The following SRCIN1 variants were observed in gnomAD, a reference collection of about 807,000 sequenced individuals.
SRCIN1 encodes the protein SRC kinase signaling inhibitor 1.
A neutral mutation model predicts 116.2 loss-of-function variants in SRCIN1; 50 were observed. That is an observed-to-expected ratio of 0.43 (90% confidence interval 0.34 to 0.54). The LOEUF (loss-of-function observed/expected upper bound fraction) is 0.54, where lower values mean the gene tolerates loss of function less well. Ranked by LOEUF, SRCIN1 falls within the 20% of genes least tolerant of loss-of-function variation. The probability of loss-of-function intolerance (pLI) is 0.02; values close to 1 mark genes in which losing one functional copy is unlikely to be tolerated. For synonymous variants in SRCIN1, 736 were observed against 750.0 expected, an observed-to-expected ratio of 0.98 and a Z score of 0.30; for missense variants, 1,446 against 1,672.0, an observed-to-expected ratio of 0.86 and a Z score of 2.36.
intron 15 of SRCIN1, 24 bp from the exon 16 acceptor site, chr17:38,549,234 G>A (rs1245738106): frequency 3.3e-6 from 5 of 1,499,252 alleles, no homozygotes; most frequent in African/African-American, 1.4e-5. Context: ...GGGGCTGGGG[G>A]TCAGCAGGCC....
chr17:38,583,631 C>A (rs1293824374), intron 1 of SRCIN1, among the ~76,000 whole-genome samples: 2 of 148,328 alleles, frequency 1.3e-5, no homozygotes, highest in Non-Finnish European at 3.0e-5. Flanking sequence ...CGGCTCACTG[C>A]AACCTCTGCC....
chr17:38,561,426 C>T, intron 7 of SRCIN1, 37 bp downstream of exon 7: 1 of 1,468,126 alleles, frequency 6.8e-7, no homozygotes, highest in Admixed American at 2.3e-5. Flanking sequence ...GCGCACCCCC[C>T]ACCCCCAGTC....
At chr17:38,595,893 C>T (rs935846933) in intron 1 of SRCIN1, among the ~76,000 whole-genome samples, 6 of 152,226 alleles carry the variant, frequency 3.9e-5, no homozygotes, top group African/African-American at 1.4e-4. Flanking sequence ...CAAAGTGCCC[C>T]CCCCAGAGTC....
rs1321198979 is a variant in SRCIN1, at chr17:38,605,759, C to T, written c.-54G>A. 3.2e-5 allele frequency: 29 copies of T among 917,910 alleles called. No homozygotes were observed. The highest frequency in any genetic ancestry group is 3.8e-5 in the Non-Finnish European group (28 of 735,288). The allele number at this position is 917,910 out of a possible 1,614,324, so 56.9% of individuals were successfully genotyped here. A position where few individuals can be genotyped will look rare whatever the true frequency, so the allele number is the denominator to read the frequency against. ...CGGGCCGGCCTGCCTGGCGCTCGCC[C>T]TCTCGCCGCCTCGCGGGCTCCTCGC... On this transcript the variant is annotated 5_prime_UTR_variant, in exon 1 of 19. Transcript: ENST00000617146.
chr17:38,544,059 G>C lies in SRCIN1; in HGVS notation c.3271-90C>G. On this transcript the variant is annotated intron_variant, in intron 17 of 18. Coordinates refer to ENST00000617146, the MANE Select transcript of SRCIN1 (RefSeq NM_025248.3). This position sits in a 1 kb window ranked among gnomAD's most constrained non-coding sequence, Gnocchi z 4.5. ...AGCACTGGGTGGGGTCTCGGGGCTG[G>C]GACCTCCTCAGTGGGGCCCTTTGAG... The C allele has an allele frequency of 2.8e-6, 4 of 1,446,982 alleles. No individual in the cohort carries two copies. Among genetic ancestry groups the C allele is most frequent in the Admixed American group, 2.2e-5 (1 of 44,786 alleles). The allele number at this position is 1,446,982 out of a possible 1,614,324, so 89.6% of individuals were successfully genotyped here.
chr17:38,560,464 C>T (rs1906160005), intron 7 of SRCIN1, 39 bp from the exon 8 acceptor site: 2 of 1,531,754 alleles, frequency 1.3e-6, no homozygotes, highest in Admixed American at 1.8e-5. Context: ...CGCCTCTGAG[C>T]ATAGGGTCTC....
In SRCIN1 at chr17:38,559,907, G is replaced by A. The variant is rs957490854; in HGVS notation, c.1838-135C>T. ...GCCCGTGGCTCTACCTGCCCCAAGT[G>A]GTCAGCCCTAACGGTGGGGACCAAA... On this transcript the variant is annotated intron_variant, in intron 9 of 18. Transcript: ENST00000617146. 1.9e-5 allele frequency: 26 copies of A among 1,363,930 alleles called. No individual in the cohort carries two copies. In the Middle Eastern group the frequency reaches 5.4e-4, roughly 28 times the overall value. The allele number at this position is 1,363,930 out of a possible 1,614,324, so 84.5% of individuals were successfully genotyped here. A position where few individuals can be genotyped will look rare whatever the true frequency, so the allele number is the denominator to read the frequency against.
chr17:38,538,431 AAATAAT>A (rs1555604571), intron 18 of SRCIN1, among the ~76,000 whole-genome samples: 149 of 138,448 alleles, frequency 1.1e-3, no homozygotes, highest in Middle Eastern at 7.3e-3. Flanking sequence ...AAAAAAAAAA[AAATAAT>A]AATAATAATA....
chr17:38,542,815 GA>G, intron 18 of SRCIN1: 2 of 288,684 alleles, frequency 6.9e-6, no homozygotes, highest in South Asian at 6.8e-5. Flanking sequence ...CCCCTCATCT[GA>G]AAAAGAGATG....
Position 38,561,770 on chromosome 17 carries a change from C to T in SRCIN1, c.1393G>A (p.Gly465Ser), listed in dbSNP as rs1906266253. The change falls in exon 7 of 19, where the codon GGC (glycine) becomes AGC (serine). Residue 465 changes from glycine to serine, a missense_variant. Coordinates refer to ENST00000617146, the MANE Select transcript of SRCIN1 (RefSeq NM_025248.3). ...AGGGGPLYGD[G>S]YGFRLPPSSP... is the part of the protein sequence containing the mutation. Reference sequence around the variant, plus strand: ...GAAGGCGGCAGGCGGAAGCCGTAGCCGTCGCCGTACAGCGGGCCGCCGCCG... The same window carrying T: ...GAAGGCGGCAGGCGGAAGCCGTAGCTGTCGCCGTACAGCGGGCCGCCGCCG... 2 of 1,503,242 alleles carry T rather than the reference C, an allele frequency of 1.3e-6. No homozygotes were observed. The highest frequency in any genetic ancestry group is 1.4e-5 in the African/African-American group (1 of 69,686). The allele number at this position is 1,503,242 out of a possible 1,614,324, so 93.1% of individuals were successfully genotyped here.
intron 2 of SRCIN1, among the ~76,000 whole-genome samples, chr17:38,578,062 T>TAG (rs1308552436): frequency 6.6e-6 from 1 of 152,092 alleles, no homozygotes; most frequent in East Asian, 1.9e-4. Flanking sequence ...GACTCTCTCT[T>TAG]AGAGTCCATA....
upstream of SRCIN1, among the ~76,000 whole-genome samples, chr17:38,606,180 T>C (rs943509072): frequency 3.3e-5 from 5 of 151,578 alleles, no homozygotes; most frequent in African/African-American, 9.7e-5. This position sits in a 1 kb window ranked among gnomAD's most constrained non-coding sequence, Gnocchi z 5.2. Context: ...CGCCACCTGC[T>C]TCGTCCCACC....
At chr17:38,577,871 A>C (rs914436554) in intron 2 of SRCIN1, among the ~76,000 whole-genome samples, 3 of 152,140 alleles carry the variant, frequency 2.0e-5, no homozygotes, top group African/African-American at 4.8e-5. Flanking sequence ...TCTAAGCCCT[A>C]CTGATGGCAG....
intron 18 of SRCIN1, 53 bp downstream of exon 18, chr17:38,543,770 G>T: frequency 6.3e-7 from 1 of 1,579,758 alleles, no homozygotes. Context: ...TGGGGCAGGG[G>T]CCCGGCATGC....
intron 1 of SRCIN1, among the ~76,000 whole-genome samples, chr17:38,590,224 C>G (rs1908366791): frequency 6.6e-6 from 1 of 152,144 alleles, no homozygotes. Context: ...GAAATATGGA[C>G]CAGCCATGAA....
intron 11 of SRCIN1, among the ~76,000 whole-genome samples, chr17:38,554,320 T>C (rs1240466246): frequency 6.6e-6 from 1 of 152,174 alleles, no homozygotes; most frequent in Non-Finnish European, 1.5e-5. Context: ...GAACTGCTCT[T>C]GTTTTCCGTG....
chr17:38,535,155 A>T (rs1332951653), intron 18 of SRCIN1, among the ~76,000 whole-genome samples: 5 of 134,274 alleles, frequency 3.7e-5, no homozygotes, highest in African/African-American at 1.5e-4. Context: ...TTGTTTTGTT[A>T]TTTATTTATT....
intron 9 of SRCIN1, 23 bp downstream of exon 9, chr17:38,560,030 TG>T: frequency 2.6e-6 from 4 of 1,520,458 alleles, no homozygotes; most frequent in Non-Finnish European, 3.6e-6. Context: ...AGAACAAGGA[TG>T]GGGGAGGGGG....
intron 7 of SRCIN1, among the ~76,000 whole-genome samples, chr17:38,560,724 G>A (rs1162006608): frequency 6.6e-6 from 1 of 152,102 alleles, no homozygotes; most frequent in African/African-American, 2.4e-5. Context: ...CAGGGGCCCC[G>A]AGGAACGCCT....
Sources: allele counts gnomAD v4.1 joint callset (sites outside exome capture counted in the v4.1 genomes callset), GRCh38; gene constraint gnomAD v4.1.1; non-coding constraint Gnocchi (gnomAD v3.1); transcripts MANE v1.5; gene names NCBI Gene and HGNC (gene_info 2026-07-23, HGNC 2026-07-21).